Variants in VEPH1 observed in about 807,000 individuals in gnomAD.
The protein encoded by VEPH1 is ventricular zone expressed PH domain containing 1, also known as ventricular zone-expressed PH domain-containing protein homolog 1.
VEPH1 carries 80 observed loss-of-function variants against 85.2 expected under a neutral mutation model. That is an observed-to-expected ratio of 0.94 (90% CI 0.78 to 1.13). The LOEUF is 1.13. Ranked by LOEUF, VEPH1 falls within the 50% of genes most tolerant of loss-of-function variation. VEPH1 has a pLI of 0.00. For missense variants in VEPH1, 955 were observed against 980.5 expected, an observed-to-expected ratio of 0.97 and a Z score of 0.35; for synonymous variants, 297 against 348.0, an observed-to-expected ratio of 0.85 and a Z score of 1.63.
intron 4 of VEPH1, among the ~76,000 whole-genome samples, chr3:157,447,898 C>T (rs753226633): frequency 6.6e-6 from 1 of 151,960 alleles, no homozygotes. Context: ...CCTAGCCTGC[C>T]TCCAGTCTTT....
At chr3:157,467,055 C>T (rs1736437378) in intron 3 of VEPH1, among the ~76,000 whole-genome samples, 1 of 151,478 alleles carries the variant, frequency 6.6e-6, no homozygotes, top group Admixed American at 6.6e-5. Context: ...GAATGGTCAC[C>T]TGAAGTAGGT....
At chr3:157,339,274 G>A (rs1723274572) in intron 9 of VEPH1, among the ~76,000 whole-genome samples, 1 of 152,076 alleles carries the variant, frequency 6.6e-6, no homozygotes, top group Non-Finnish European at 1.5e-5. Flanking sequence ...TAGTGCCCTG[G>A]GCTTCTGCTT....
intron 4 of VEPH1, chr3:157,436,817 G>C (rs765764430): frequency 8.9e-7 from 1 of 1,122,778 alleles, no homozygotes. Context: ...GCTTTCCTCA[G>C]CATTTATTAA....
At chr3:157,299,522 T>G (rs531292500) in intron 11 of VEPH1, among the ~76,000 whole-genome samples, 1 of 138,236 alleles carries the variant, frequency 7.2e-6, no homozygotes, top group South Asian at 2.2e-4. Context: ...ATTGTGCTAC[T>G]GCAGTCCAAC....
At chr3:157,413,702 C>G in intron 6 of VEPH1, 179 bp downstream of exon 6, 2 of 969,496 alleles carry the variant, frequency 2.1e-6, no homozygotes, top group Non-Finnish European at 2.5e-6. Context: ...AATCCCAGGA[C>G]AAATTTGTAT....
At chr3:157,463,294 C>T (rs1736049026) in intron 3 of VEPH1, among the ~76,000 whole-genome samples, 1 of 152,206 alleles carries the variant, frequency 6.6e-6, no homozygotes, top group African/African-American at 2.4e-5. Flanking sequence ...AATAGGTACT[C>T]CATAACCTAA....
chr3:157,503,570 T>A (rs1740274053), upstream of VEPH1: 2 of 152,224 alleles, frequency 1.3e-5, no homozygotes, highest in Non-Finnish European at 2.9e-5. Flanking sequence ...TACACTAGAT[T>A]TACAGATTTC....
intron 11 of VEPH1, among the ~76,000 whole-genome samples, chr3:157,303,302 T>C (rs1261654719): frequency 6.6e-6 from 1 of 152,238 alleles, no homozygotes; most frequent in Admixed American, 6.5e-5. Flanking sequence ...ACAGTATCTA[T>C]CAGTGTGGAA....
intron 2 of VEPH1, among the ~76,000 whole-genome samples, chr3:157,484,038 A>C (rs1007744205): frequency 2.0e-5 from 3 of 152,216 alleles, no homozygotes; most frequent in African/African-American, 7.2e-5. Context: ...CTAGACATGT[A>C]ATAGTGAAAC....
Position 157,437,453 on chromosome 3 carries a change from C to T in VEPH1, c.530-8965G>A, listed in dbSNP as rs940123151. ...CACCACCGAGGGAGGTCAGCTTTTA[C>T]AAAGCACATCCAAGGCAGGCCTGGG... On this transcript the variant is annotated intron_variant, in intron 4 of 13. Transcript: ENST00000362010. 6 of 1,554,558 alleles carry T rather than the reference C, an allele frequency of 3.9e-6. No individual in the cohort carries two copies. The Admixed American group carries it at 1.1e-4, about 30-fold the overall frequency.
At chr3:157,277,792 T>C (rs996740348) in intron 12 of VEPH1, among the ~76,000 whole-genome samples, 2 of 152,228 alleles carry the variant, frequency 1.3e-5, no homozygotes, top group African/African-American at 4.8e-5. Context: ...CTGTTTATTA[T>C]AGTACTTATG....
chr3:157,453,720 A>G (rs1735149134), intron 4 of VEPH1, among the ~76,000 whole-genome samples: 1 of 152,208 alleles, frequency 6.6e-6, no homozygotes, highest in Non-Finnish European at 1.5e-5. Context: ...AGAATTGCAG[A>G]GCAGAAAACT....
At chr3:157,460,376 C>T in intron 3 of VEPH1, 21 bp from the exon 4 acceptor site, 2 of 1,596,586 alleles carry the variant, frequency 1.3e-6, no homozygotes, top group Non-Finnish European at 1.7e-6. Flanking sequence ...ATAAGAAAGC[C>T]ACAAATAATA....
intron 3 of VEPH1, among the ~76,000 whole-genome samples, chr3:157,467,125 A>ATGTGTGTGTGTGTGTATGTG (rs1736455969): frequency 6.9e-6 from 1 of 145,346 alleles, no homozygotes; most frequent in African/African-American, 2.5e-5. Context: ...GTGTGTGTGT[A>ATGTGTGTGTGTGTGTATGTG]TGTGTGTGTG....
chr3:157,485,817 GAA>G (rs1738570227), intron 2 of VEPH1, among the ~76,000 whole-genome samples: 2 of 151,290 alleles, frequency 1.3e-5, no homozygotes, highest in African/African-American at 2.4e-5. Flanking sequence ...GACAGACAAA[GAA>G]AAAATAGATA....
rs1559952569 is a variant in VEPH1, at chr3:157,317,054, A to G, written c.1875+8T>C. On this transcript the variant is annotated splice_region_variant and intron_variant, in intron 10 of 13. Transcript: ENST00000362010. ...TTAAAGAGCCTGATGAACACAAATT[A>G]TACAAACCTGCTGAAATAGAAACAT... The G allele has an allele frequency of 1.9e-6, 3 of 1,609,126 alleles. No homozygotes were observed. Among genetic ancestry groups the G allele is most frequent in the Non-Finnish European group, 2.5e-6 (3 of 1,177,812 alleles).
chr3:157,282,280 A>G (rs1716231920), intron 12 of VEPH1, among the ~76,000 whole-genome samples: 1 of 151,678 alleles, frequency 6.6e-6, no homozygotes, highest in Non-Finnish European at 1.5e-5. Context: ...ATCATGGTAC[A>G]CCACAGCTTC....
intron 13 of VEPH1, among the ~76,000 whole-genome samples, chr3:157,261,691 G>C (rs1186551305): frequency 6.6e-6 from 1 of 152,102 alleles, no homozygotes; most frequent in African/African-American, 2.4e-5. Flanking sequence ...GGTACAATTT[G>C]GAGTGCTATT....
intron 11 of VEPH1, among the ~76,000 whole-genome samples, chr3:157,313,053 C>T (rs1341480647): frequency 6.6e-6 from 1 of 151,086 alleles, no homozygotes; most frequent in African/African-American, 2.4e-5. Flanking sequence ...TACAGGCGCC[C>T]GCTACCACGC....
Sources: allele counts gnomAD v4.1 joint callset (sites outside exome capture counted in the v4.1 genomes callset), GRCh38; gene constraint gnomAD v4.1.1; transcripts MANE v1.5; gene names NCBI Gene and HGNC (gene_info 2026-07-23, HGNC 2026-07-21).